The following ZNF699 variants were observed in gnomAD, a reference collection of about 807,000 sequenced individuals.
ZNF699 encodes hangover homolog.
ZNF699 carries 18 observed loss-of-function variants against 22.5 expected under a neutral mutation model. That is an observed-to-expected ratio of 0.80 (90% CI 0.55 to 1.19). The LOEUF (loss-of-function observed/expected upper bound fraction) is 1.19. Ranked by LOEUF, ZNF699 falls within the 50% of genes most tolerant of loss-of-function variation. The probability of loss-of-function intolerance (pLI) is 0.00; values close to 1 mark genes in which losing one functional copy is unlikely to be tolerated. For synonymous variants in ZNF699, 241 were observed against 262.3 expected (o/e 0.92, Z 0.78); for missense variants, 670 against 763.4 (o/e 0.88, Z 1.44).
At chr19:9,301,625 T>C (rs573732352) in intron 3 of ZNF699, among the ~76,000 whole-genome samples, 3 of 152,346 alleles carry the variant, frequency 2.0e-5, no homozygotes, top group African/African-American at 7.2e-5. Context: ...AGGTCTTTTC[T>C]AACACCATCT....
chr19:9,298,050 T>C lies in ZNF699; in HGVS notation c.176-60A>G, dbSNP rs2066293731. 3 of 1,197,500 alleles carry C rather than the reference T, an allele frequency of 2.5e-6. No individual in the cohort carries two copies. In the South Asian group the frequency reaches 4.0e-5, roughly 16 times the overall value. The allele number at this position is 1,197,500 out of a possible 1,614,324, so 74.2% of individuals were successfully genotyped here. A position where few individuals can be genotyped will look rare whatever the true frequency, so the allele number is the denominator to read the frequency against. On this transcript the variant is annotated intron_variant, in intron 3 of 5. Transcript: ENST00000591998. ...TAATGAAGAATCACTAACATTTCCATGAAACAGAAACAAAACTTTAGTCTT... is the reference window on the plus strand; with the variant it reads ...TAATGAAGAATCACTAACATTTCCACGAAACAGAAACAAAACTTTAGTCTT...
rs2066275529 is a variant in ZNF699, at chr19:9,293,927, T to TA, written c.*1547_*1548insT. ...CCTGAAGCAATTCATCTTCTTACAT[T>TA]TAAAAAAAAAAAAAAAGCAGTAAAA... On this transcript the variant is annotated 3_prime_UTR_variant, in exon 6 of 6. Transcript: ENST00000591998. Among the ~76,000 whole-genome samples the TA allele has an allele frequency of 4.9e-5, 6 of 123,176 alleles. No homozygotes were observed. Among genetic ancestry groups the TA allele is most frequent in the South Asian group, 2.8e-4 (1 of 3,536 alleles). The allele number at this position is 123,176 out of a possible 152,430, so 80.8% of individuals were successfully genotyped here. A position where few individuals can be genotyped will look rare whatever the true frequency, so the allele number is the denominator to read the frequency against.
intron 1 of ZNF699, among the ~76,000 whole-genome samples, chr19:9,305,965 G>T (rs2066326276): frequency 6.6e-6 from 1 of 151,562 alleles, no homozygotes; most frequent in Non-Finnish European, 1.5e-5. Flanking sequence ...GCCTCCCAAA[G>T]TGCTGGGATT....
chr19:9,295,951 T>TA lies in ZNF699; in HGVS notation c.1452dup (p.Ser485Ter). Reference sequence around the variant, plus strand: ...TGTTCGGTGAGGGATGAGGAACGACTAAAGGTCTTCCCACACTCCTTACAT... The same window carrying TA: ...TGTTCGGTGAGGGATGAGGAACGACTAAAAGGTCTTCCCACACTCCTTACAT... On this transcript the variant is annotated frameshift_variant, in exon 6 of 6. Coordinates refer to ENST00000591998, the MANE Select transcript of ZNF699 (RefSeq NM_198535.3). LOFTEE classifies it low-confidence loss of function (END_TRUNC). 6.2e-7 allele frequency: 1 copy of TA among 1,613,964 alleles called. No individual in the cohort carries two copies. The highest frequency in any genetic ancestry group is 8.5e-7 in the Non-Finnish European group (1 of 1,179,986).
rs922911397 is a variant in ZNF699 at position 9,292,375 on chromosome 19, C to T, written c.*3100G>A. Among the ~76,000 whole-genome samples, 5 of 152,170 alleles carry T rather than the reference C, an allele frequency of 3.3e-5. No individual in the cohort carries two copies. The highest frequency in any genetic ancestry group is 1.2e-4 in the African/African-American group (5 of 41,442). Reference sequence around the variant, plus strand: ...GCCAACGAGATTCAATTCTGATCATCATATTGGAACCACTCAAAAAGACAA... The same window carrying T: ...GCCAACGAGATTCAATTCTGATCATTATATTGGAACCACTCAAAAAGACAA... On this transcript the variant is annotated 3_prime_UTR_variant, in exon 6 of 6. Coordinates refer to ENST00000591998, the MANE Select transcript of ZNF699 (RefSeq NM_198535.3).
chr19:9,302,555 T>C (rs2066311676), intron 2 of ZNF699, 51 bp from the exon 3 acceptor site: 1 of 1,541,556 alleles, frequency 6.5e-7, no homozygotes, highest in Non-Finnish European at 8.8e-7. Context: ...CTCCAATGTG[T>C]ACAAGAGGAC....
chr19:9,301,201 A>AT (rs2066306197), intron 3 of ZNF699, among the ~76,000 whole-genome samples: 1 of 152,120 alleles, frequency 6.6e-6, no homozygotes, highest in Admixed American at 6.5e-5. Context: ...TTATTTAGAA[A>AT]TAGGGTCTTT....
rs2066274290 is a variant in ZNF699, at chr19:9,293,675, C to G, written c.*1800G>C. ...AGAGGATGAAGGAACTTCCTAAAGT[C>G]TTGGAAATGTTCTGTTTACCAGGAC... is the stretch of plus-strand genomic sequence containing the variant. On this transcript the variant is annotated 3_prime_UTR_variant, in exon 6 of 6. Coordinates refer to ENST00000591998, the MANE Select transcript of ZNF699 (RefSeq NM_198535.3). Among the ~76,000 whole-genome samples the G allele has an allele frequency of 6.6e-6, 1 of 152,034 alleles. No homozygotes were observed. Among genetic ancestry groups the G allele is most frequent in the Admixed American group, 6.6e-5 (1 of 15,254 alleles).
At chr19:9,303,158 GA>G (rs1448084003) in intron 2 of ZNF699, among the ~76,000 whole-genome samples, 37 of 152,132 alleles carry the variant, frequency 2.4e-4, no homozygotes, top group Admixed American at 2.2e-3. Context: ...ATGTGTGGGG[GA>G]TATTTTCCAC....
rs201685861 is a variant in ZNF699, at chr19:9,292,822, ATT to A, written c.*2651_*2652del. 2.8e-4 allele frequency among the ~76,000 whole-genome samples: 41 copies of A among 147,824 alleles called. No homozygotes were observed. The highest frequency in any genetic ancestry group is 1.1e-3 in the South Asian group (5 of 4,686). ...CAAGTAACCAGAAGGAAACCTTTCA[ATT>A]TTTTTTTTTTTTTAAAAAGGAACCA... On this transcript the variant is annotated 3_prime_UTR_variant, in exon 6 of 6. Coordinates refer to ENST00000591998, the MANE Select transcript of ZNF699 (RefSeq NM_198535.3).
At chr19:9,308,196 A>G (rs2066334486) in intron 1 of ZNF699, among the ~76,000 whole-genome samples, 1 of 152,066 alleles carries the variant, frequency 6.6e-6, no homozygotes, top group African/African-American at 2.4e-5. Context: ...TCCCAGGTTG[A>G]TCTCATTTCC....
At chr19:9,307,505 G>A (rs531212945) in intron 1 of ZNF699, among the ~76,000 whole-genome samples, 19 of 152,168 alleles carry the variant, frequency 1.2e-4, no homozygotes, top group Admixed American at 5.2e-4. Flanking sequence ...AAGGAGACAC[G>A]TAACATATTT....
Position 9,302,260 on chromosome 19 carries a change from T to G in ZNF699, c.175+118A>C, listed in dbSNP as rs577935262. The G allele has an allele frequency of 1.1e-5, 13 of 1,212,172 alleles. No individual in the cohort carries two copies. The African/African-American group carries it at 1.7e-4, about 15-fold the overall frequency. 75.1% of individuals were successfully genotyped at this position (1,212,172 alleles called of 1,614,324 possible). ...GTAAGTTCCTTGGGGTCAGTGACCA[T>G]ATCTGTCTTACTTACCAATGTCTTC... On this transcript the variant is annotated intron_variant, in intron 3 of 5. Transcript: ENST00000591998.
chr19:9,306,378 C>T (rs1223818877), intron 1 of ZNF699, among the ~76,000 whole-genome samples: 1 of 144,424 alleles, frequency 6.9e-6, no homozygotes, highest in African/African-American at 2.5e-5. Context: ...GGAGACAGAG[C>T]GAGACTCCAT....
chr19:9,306,249 A>G (rs12150880), intron 1 of ZNF699, among the ~76,000 whole-genome samples: 69,143 of 151,832 alleles, frequency 0.46, 16,097 homozygotes, highest in Middle Eastern at 0.5. Flanking sequence ...AAAATTAGCC[A>G]GGCGTGGTGG....
rs958500442 is a variant in ZNF699, at chr19:9,305,090, T to C, written c.30A>G (p.Leu10=). 6.2e-7 allele frequency: 1 copy of C among 1,613,634 alleles called. No individual in the cohort carries two copies. Among genetic ancestry groups the C allele is most frequent in the Non-Finnish European group, 8.5e-7 (1 of 1,179,732 alleles). Residue 10 remains leucine, a synonymous_variant, in exon 2 of 6, where the codon TTA becomes TTG. Coordinates refer to ENST00000591998, the MANE Select transcript of ZNF699 (RefSeq NM_198535.3). MEEERKTAE[L]QKNRIQDSVV... ...TACTTACCTGTATTCTATTTTTCTGTAACTCAGCAGTTTTTCTTTCTTCCT... is the reference window on the plus strand; with the variant it reads ...TACTTACCTGTATTCTATTTTTCTGCAACTCAGCAGTTTTTCTTTCTTCCT...
chr19:9,299,267 TGGGACCACAGGTG>T (rs1217556996), intron 3 of ZNF699, among the ~76,000 whole-genome samples: 1 of 152,220 alleles, frequency 6.6e-6, no homozygotes, highest in Admixed American at 6.5e-5. Flanking sequence ...CCTGAGTAGC[TGGGACCACAGGTG>T]CCTGCCACCA....
chr19:9,298,131 A>AT lies in ZNF699; in HGVS notation c.176-142dup. The AT allele has an allele frequency of 1.6e-5, 9 of 553,574 alleles. No individual in the cohort carries two copies. In the East Asian group the frequency reaches 2.7e-4, roughly 16 times the overall value. The allele number at this position is 553,574 out of a possible 1,614,324, so 34.3% of individuals were successfully genotyped here. A position where few individuals can be genotyped will look rare whatever the true frequency, so the allele number is the denominator to read the frequency against. ...TTAACTGCAACAAAATGTCAAATTTATTTATTTTTTTTTTTAAAAAAAGGA... is the reference window on the plus strand; with the variant it reads ...TTAACTGCAACAAAATGTCAAATTTATTTTATTTTTTTTTTTAAAAAAAGGA... On this transcript the variant is annotated intron_variant, in intron 3 of 5. Transcript: ENST00000591998.
intron 3 of ZNF699, among the ~76,000 whole-genome samples, chr19:9,299,865 T>C (rs202009481): frequency 7.0e-6 from 1 of 143,696 alleles, no homozygotes; most frequent in African/African-American, 2.6e-5. Flanking sequence ...CAACAATGTT[T>C]AAAAAAAAAA....
Sources: gnomAD v4.1 joint callset for allele counts (sites outside exome capture counted in the v4.1 genomes callset) on GRCh38, gnomAD v4.1.1 for gene constraint, MANE v1.5 for transcripts, NCBI Gene and HGNC (gene_info 2026-07-23, HGNC 2026-07-21) for gene names.